DSTYK: variants seen among roughly 807,000 people sequenced by gnomAD.
DSTYK encodes dual serine/threonine and tyrosine protein kinase, also known as RIP-homologous kinase.
Under a neutral mutation model 98.7 loss-of-function variants are expected in DSTYK, and 34 were observed. The observed-to-expected ratio is 0.34, with a 90% CI of 0.26 to 0.46. The LOEUF is 0.46. Among genes scored for constraint, DSTYK ranks in the 20% least tolerant of loss-of-function variants. The pLI, the probability that DSTYK is intolerant of heterozygous loss-of-function variation, is 1.00. For synonymous variants in DSTYK, 462 were observed against 457.3 expected (o/e 1.01, Z -0.13); for missense variants, 962 against 1,181.7 (o/e 0.81, Z 2.73).
intron 1 of DSTYK, among the ~76,000 whole-genome samples, chr1:205,197,957 G>A (rs1658914723): frequency 6.6e-6 from 1 of 152,224 alleles, no homozygotes; most frequent in Admixed American, 6.5e-5. Flanking sequence ...ACTTTGGGAG[G>A]CTGAGGCGGG....
At chr1:205,192,523 G>T (rs1473750985) in intron 1 of DSTYK, among the ~76,000 whole-genome samples, 1 of 152,010 alleles carries the variant, frequency 6.6e-6, no homozygotes, top group Admixed American at 6.6e-5. Context: ...TGAGTCACCT[G>T]CCTCACAAAA....
chr1:205,161,411 C>T (rs774137491), intron 6 of DSTYK, 24 bp from the exon 7 acceptor site: 2 of 1,613,632 alleles, frequency 1.2e-6, no homozygotes, highest in Admixed American at 1.7e-5. Flanking sequence ...AGAAAAAGTA[C>T]ATATGACTTA....
In DSTYK at chr1:205,183,743, G is replaced by A. The variant is rs190802821; in HGVS notation, c.654+3675C>T. Among the ~76,000 whole-genome samples, 28 of 152,302 alleles carry A rather than the reference G, an allele frequency of 1.8e-4. No individual in the cohort carries two copies. The East Asian group carries it at 4.6e-3, about 25-fold the overall frequency. ...GGCATGAACAGTCTTCCAGGTAGCT[G>A]CTGTACAATGCCCCCAGCAGTAAGC... On this transcript the variant is annotated intron_variant, in intron 2 of 12. Transcript: ENST00000367162.
chr1:205,179,362 T>C (rs1376575480), intron 2 of DSTYK, among the ~76,000 whole-genome samples: 1 of 152,130 alleles, frequency 6.6e-6, no homozygotes, highest in Non-Finnish European at 1.5e-5. Context: ...GGCTCATGCC[T>C]GTACTCCCAG....
At chr1:205,182,296 G>T (rs557188163) in intron 2 of DSTYK, among the ~76,000 whole-genome samples, 26 of 151,662 alleles carry the variant, frequency 1.7e-4, no homozygotes, top group Non-Finnish European at 1.3e-4. Context: ...AGCTACTTGG[G>T]AGGAGGCAGG....
Position 205,163,830 on chromosome 1 carries a change from C to T in DSTYK, c.1450G>A (p.Val484Met), listed in dbSNP as rs1657807069. 1.9e-6 allele frequency: 3 copies of T among 1,614,180 alleles called. No homozygotes were observed. Among genetic ancestry groups the T allele is most frequent in the Non-Finnish European group, 2.5e-6 (3 of 1,180,044 alleles). The change falls in exon 4 of 13, where the codon GTG (valine) becomes ATG (methionine). Residue 484 changes from valine (V) to methionine (M), a missense_variant. By Grantham distance (21) the Val-to-Met change is conservative. Around this residue, in one of 4 missense-constraint regions of DSTYK, gnomAD observed 660 missense variants for 855.0 expected, o/e 0.77. Coordinates refer to ENST00000367162, the MANE Select transcript of DSTYK (RefSeq NM_015375.3). ...QAVANKLISS[V>M]DYLRESFVGT... ...ACGAAGCTTTCCCTCAGGTAATCCA[C>T]TGAGCTGATCAGCTTATTAGCCACT... is the stretch of plus-strand genomic sequence containing the variant.
chr1:205,156,812 T>C (rs891884542), intron 10 of DSTYK, among the ~76,000 whole-genome samples: 11 of 152,102 alleles, frequency 7.2e-5, no homozygotes, highest in Non-Finnish European at 2.9e-5. Flanking sequence ...TTTGGCTGTG[T>C]CCCCACCCAA....
intron 1 of DSTYK, among the ~76,000 whole-genome samples, chr1:205,199,174 A>G (rs1658954825): frequency 6.6e-6 from 1 of 152,198 alleles, no homozygotes; most frequent in African/African-American, 2.4e-5. Context: ...CCCAGAGCAC[A>G]CCACCTCAGG....
intron 1 of DSTYK, among the ~76,000 whole-genome samples, chr1:205,192,939 G>C (rs569566529): frequency 6.6e-6 from 1 of 152,288 alleles, no homozygotes; most frequent in South Asian, 2.1e-4. Context: ...GGGGCCAGTA[G>C]ACAATGACCC....
chr1:205,210,635 T>A (rs1409683500), intron 1 of DSTYK, among the ~76,000 whole-genome samples: 1 of 152,064 alleles, frequency 6.6e-6, no homozygotes, highest in Non-Finnish European at 1.5e-5. Flanking sequence ...ACCAAAATGA[T>A]CCCTTCCCTC....
chr1:205,156,534 T>C (rs7538328), intron 10 of DSTYK, among the ~76,000 whole-genome samples: 40,761 of 152,064 alleles, frequency 0.27, 5,717 homozygotes, highest in South Asian at 0.41. Flanking sequence ...TGTAGCACCT[T>C]TGTTTTGGCC....
At chr1:205,183,463 A>C (rs1323008485) in intron 2 of DSTYK, among the ~76,000 whole-genome samples, 1 of 152,214 alleles carries the variant, frequency 6.6e-6, no homozygotes, top group East Asian at 1.9e-4. Flanking sequence ...ACAAACTGAA[A>C]ATGGCTAATT....
chr1:205,150,175 T>C lies in DSTYK; in HGVS notation c.2467+505A>G, dbSNP rs1657361578. ...CACCTACCAATTTCCCAAATCTGAC[T>C]CAAGTTCTATTCAAAATCTCACCTC... On this transcript the variant is annotated intron_variant, in intron 11 of 12. Transcript: ENST00000367162. This position sits in a 1 kb window ranked among gnomAD's most constrained non-coding sequence, Gnocchi z 4.1. Among the ~76,000 whole-genome samples, 1 of 152,186 alleles carries C rather than the reference T, an allele frequency of 6.6e-6. No individual in the cohort carries two copies. The highest frequency in any genetic ancestry group is 1.5e-5 in the Non-Finnish European group (1 of 68,022).
rs547071125 is a variant in DSTYK, at chr1:205,184,342, G to A, written c.654+3076C>T. ...AATCCCAGCACTTTGGGAGGGTGAGGGGGGCGGATCACTTGAGGTCAGTAG... is the reference window on the plus strand; with the variant it reads ...AATCCCAGCACTTTGGGAGGGTGAGAGGGGCGGATCACTTGAGGTCAGTAG... On this transcript the variant is annotated intron_variant, in intron 2 of 12. Coordinates refer to ENST00000367162, the MANE Select transcript of DSTYK (RefSeq NM_015375.3). 3.3e-5 allele frequency among the ~76,000 whole-genome samples: 5 copies of A among 151,998 alleles called. No homozygotes were observed. The South Asian group carries it at 1.0e-3, about 32-fold the overall frequency.
At chr1:205,153,745 C>T (rs944453910) in intron 10 of DSTYK, among the ~76,000 whole-genome samples, 1 of 150,654 alleles carries the variant, frequency 6.6e-6, no homozygotes, top group African/African-American at 2.4e-5. Context: ...TGTCACCAGG[C>T]TCCAGCCTGG....
chr1:205,184,505 G>C (rs1390666151), intron 2 of DSTYK, among the ~76,000 whole-genome samples: 2 of 152,090 alleles, frequency 1.3e-5, no homozygotes, highest in Non-Finnish European at 2.9e-5. Flanking sequence ...CCGGGAGGCA[G>C]AGGCTGCAGT....
chr1:205,148,693 G>C (rs540619774), intron 11 of DSTYK, among the ~76,000 whole-genome samples: 1 of 152,274 alleles, frequency 6.6e-6, no homozygotes, highest in Non-Finnish European at 1.5e-5. Flanking sequence ...GTTGGAACCA[G>C]AATATAATAA....
chr1:205,155,514 C>T (rs1449194260), intron 10 of DSTYK, among the ~76,000 whole-genome samples: 4 of 151,586 alleles, frequency 2.6e-5, no homozygotes, highest in Non-Finnish European at 5.9e-5. Context: ...ACTAAAAATA[C>T]AAAAATTAGC....
chr1:205,181,650 T>TGGGGG (rs201101134), intron 2 of DSTYK, among the ~76,000 whole-genome samples: 1 of 109,652 alleles, frequency 9.1e-6, no homozygotes, highest in Non-Finnish European at 2.1e-5. Context: ...CCACAGATGT[T>TGGGGG]GGGGTTTGTG....
Sources: allele counts gnomAD v4.1 joint callset (sites outside exome capture counted in the v4.1 genomes callset), GRCh38; gene constraint gnomAD v4.1.1; regional missense constraint gnomAD v4.1.1; non-coding constraint Gnocchi (gnomAD v3.1); transcripts MANE v1.5; gene names NCBI Gene and HGNC (gene_info 2026-07-23, HGNC 2026-07-21).